Variants in NTRK3 observed in about 807,000 individuals in gnomAD.
The protein encoded by NTRK3 is NT-3 growth factor receptor.
Under a neutral mutation model 91.7 loss-of-function variants are expected in NTRK3, and 24 were observed. The observed-to-expected ratio is 0.26, with a 90% CI of 0.19 to 0.37. The LOEUF (loss-of-function observed/expected upper bound fraction) is 0.37. NTRK3 is among the 10% of genes least tolerant of loss of function. NTRK3 has a pLI of 1.00. For missense variants in NTRK3, 880 were observed against 1,068.9 expected (o/e 0.82, Z 2.46); for synonymous variants, 483 against 404.0 (o/e 1.20, Z -2.34).
chr15:88,256,570 C>T (rs941091182), intron 1 of NTRK3, 74 bp downstream of exon 1: 2 of 496,396 alleles, frequency 4.0e-6, no homozygotes, highest in African/African-American at 2.0e-5. Flanking sequence ...CAAGTCCCAC[C>T]TACTGGGCAG....
chr15:88,054,809 G>A (rs2045542070), intron 13 of NTRK3, among the ~76,000 whole-genome samples: 1 of 152,112 alleles, frequency 6.6e-6, no homozygotes, highest in East Asian at 1.9e-4. Flanking sequence ...TTCAACAAGT[G>A]CTTACTATGT....
intron 5 of NTRK3, among the ~76,000 whole-genome samples, chr15:88,169,027 C>A (rs2045262717): frequency 6.6e-6 from 1 of 152,188 alleles, no homozygotes; most frequent in Non-Finnish European, 1.5e-5. Flanking sequence ...ACGGCACAGG[C>A]AAAGGCCATG....
intron 13 of NTRK3, among the ~76,000 whole-genome samples, chr15:88,058,749 A>C (rs1030356555): frequency 6.6e-6 from 1 of 152,204 alleles, no homozygotes; most frequent in African/African-American, 2.4e-5. Flanking sequence ...AGTCTGAAGC[A>C]GGGTCATGTT....
chr15:88,219,933 T>A (rs977672181), intron 3 of NTRK3, among the ~76,000 whole-genome samples: 5 of 152,092 alleles, frequency 3.3e-5, no homozygotes, highest in Admixed American at 2.0e-4. Flanking sequence ...AGAACTTGCA[T>A]CCAAACCCAG....
At chr15:87,952,043 C>G (rs1395960193) in intron 14 of NTRK3, among the ~76,000 whole-genome samples, 1 of 152,110 alleles carries the variant, frequency 6.6e-6, no homozygotes, top group Non-Finnish European at 1.5e-5. Context: ...GGGAGAATCG[C>G]TTGAACTTGG....
chr15:88,078,818 A>T (rs1169186225), intron 13 of NTRK3, among the ~76,000 whole-genome samples: 1 of 152,216 alleles, frequency 6.6e-6, no homozygotes, highest in Non-Finnish European at 1.5e-5. Flanking sequence ...TCCTAAGGGA[A>T]GATGTTCTTC....
chr15:88,214,663 A>G (rs958506326), intron 3 of NTRK3, among the ~76,000 whole-genome samples: 1 of 5,058 alleles, frequency 2.0e-4, no homozygotes, highest in Non-Finnish European at 1.1e-3. Context: ...ATAAAGCAGA[A>G]AAAAAAAAAA....
intron 14 of NTRK3, among the ~76,000 whole-genome samples, chr15:87,967,612 T>A (rs1428073754): frequency 6.6e-6 from 1 of 152,190 alleles, no homozygotes; most frequent in African/African-American, 2.4e-5. Flanking sequence ...ATGCCATTCA[T>A]GCCTCCTGCT....
At chr15:88,049,476 T>C (rs2080588497) in intron 13 of NTRK3, among the ~76,000 whole-genome samples, 1 of 152,226 alleles carries the variant, frequency 6.6e-6, no homozygotes, top group Admixed American at 6.5e-5. Flanking sequence ...ATGGTGTGTG[T>C]GTTTATGGGG....
At chr15:88,070,391 A>C (rs2046999591) in intron 13 of NTRK3, among the ~76,000 whole-genome samples, 1 of 151,940 alleles carries the variant, frequency 6.6e-6, no homozygotes, top group Admixed American at 6.6e-5. Context: ...CTACCCACAG[A>C]GAGGGGCGCT....
intron 3 of NTRK3, among the ~76,000 whole-genome samples, chr15:88,242,295 T>C (rs1174399773): frequency 6.6e-6 from 1 of 152,158 alleles, no homozygotes; most frequent in Non-Finnish European, 1.5e-5. Flanking sequence ...GCAAGGCCAA[T>C]GAATCAACTT....
At chr15:87,978,345 A>C in intron 14 of NTRK3, 1 of 230,436 alleles carries the variant, frequency 4.3e-6, no homozygotes, top group Non-Finnish European at 8.6e-6. Context: ...GGGCTGGAGG[A>C]GGCCAAGTTT....
At chr15:87,986,384 T>C (rs1031405526) in intron 14 of NTRK3, among the ~76,000 whole-genome samples, 2 of 152,244 alleles carry the variant, frequency 1.3e-5, no homozygotes, top group Non-Finnish European at 2.9e-5. Context: ...AATCCATTAC[T>C]GCAATGGCTG....
At chr15:88,177,397 A>C (rs2046097532) in intron 5 of NTRK3, among the ~76,000 whole-genome samples, 1 of 152,214 alleles carries the variant, frequency 6.6e-6, no homozygotes, top group South Asian at 2.1e-4. Context: ...GGGGATGATG[A>C]CTTGGACCAA....
chr15:87,869,967 C>T (rs895583099), exon 19 of NTRK3: 2 of 192,370 alleles, frequency 1.0e-5, no homozygotes, highest in African/African-American at 4.6e-5. Flanking sequence ...TCAGTGTTTA[C>T]ACGTCTTGTT....
In NTRK3 at chr15:87,877,934, G is replaced by A. The variant is rs568484003; in HGVS notation, c.2293-814C>T. ...AACATACTGAAGGAGAAGCCATAAG[G>A]AGGAGTAGGAAGAAAACAAGTAATG... On this transcript the variant is annotated intron_variant, in intron 18 of 18. Coordinates refer to ENST00000394480, the Ensembl canonical transcript of NTRK3. Among the ~76,000 whole-genome samples the A allele has an allele frequency of 2.4e-4, 36 of 152,272 alleles. 1 individual carries two copies. The highest frequency in any genetic ancestry group is 3.9e-4 in the Admixed American group (6 of 15,302).
At chr15:88,139,634 C>T (rs1459656714) in intron 6 of NTRK3, among the ~76,000 whole-genome samples, 1 of 151,862 alleles carries the variant, frequency 6.6e-6, no homozygotes. Flanking sequence ...AGAACTAACC[C>T]TTACTGAGCA....
At chr15:88,149,657 C>T (rs1343543860) in intron 5 of NTRK3, among the ~76,000 whole-genome samples, 2 of 152,234 alleles carry the variant, frequency 1.3e-5, no homozygotes, top group Non-Finnish European at 2.9e-5. Flanking sequence ...CACCTGAGGA[C>T]ACCACCTGGG....
intron 13 of NTRK3, among the ~76,000 whole-genome samples, chr15:88,074,454 C>T (rs548620440): frequency 1.0e-3 from 153 of 152,306 alleles, no homozygotes; most frequent in African/African-American, 3.6e-3. Context: ...TAGCAGCCAT[C>T]GTATTGGAGA....
Sources: gnomAD v4.1 joint callset for allele counts (sites outside exome capture counted in the v4.1 genomes callset) on GRCh38, gnomAD v4.1.1 for gene constraint, MANE v1.5 for transcripts, NCBI Gene and HGNC (gene_info 2026-07-23, HGNC 2026-07-21) for gene names.